Variants in CRY1 observed in about 807,000 individuals in gnomAD.
CRY1 encodes cryptochrome-1.
A neutral mutation model predicts 76.0 loss-of-function variants in CRY1; 45 were observed. The ratio of observed to expected loss-of-function variants is 0.59; its 90% CI spans 0.47 to 0.76. CRY1 has a LOEUF of 0.76. CRY1 is among the 30% of genes least tolerant of loss of function. CRY1 has a pLI of 0.00. For synonymous variants in CRY1, 248 were observed against 244.0 expected, an observed-to-expected ratio of 1.02 and a Z score of -0.15; for missense variants, 587 against 716.4, an observed-to-expected ratio of 0.82 and a Z score of 2.06.
intron 1 of CRY1, among the ~76,000 whole-genome samples, chr12:107,043,546 C>T (rs918704408): frequency 4.6e-5 from 7 of 152,164 alleles, no homozygotes; most frequent in Non-Finnish European, 1.0e-4. Context: ...TGATGTAGTA[C>T]CCTGCATCCC....
intron 1 of CRY1, among the ~76,000 whole-genome samples, chr12:107,039,543 A>C (rs920575277): frequency 6.6e-6 from 1 of 152,236 alleles, no homozygotes; most frequent in South Asian, 2.1e-4. Context: ...GGAAACAAAC[A>C]AATGGCCAAC....
chr12:107,015,420 G>A (rs1404809010), intron 2 of CRY1, among the ~76,000 whole-genome samples: 2 of 150,894 alleles, frequency 1.3e-5, no homozygotes, highest in African/African-American at 2.4e-5. Flanking sequence ...GCTCACTGCA[G>A]CATTAACCTC....
At chr12:107,035,337 A>G (rs1199648869) in intron 1 of CRY1, among the ~76,000 whole-genome samples, 3 of 152,180 alleles carry the variant, frequency 2.0e-5, no homozygotes, top group Admixed American at 2.0e-4. Context: ...TTAACAATTT[A>G]TTGAGAGCCT....
intron 1 of CRY1, among the ~76,000 whole-genome samples, chr12:107,068,580 G>A (rs750427222): frequency 3.9e-5 from 6 of 152,094 alleles, no homozygotes; most frequent in Non-Finnish European, 8.8e-5. Context: ...TTATAAGCAT[G>A]AGCAACCGCA....
chr12:107,019,153 G>A (rs1206033366), intron 2 of CRY1, among the ~76,000 whole-genome samples: 1 of 152,100 alleles, frequency 6.6e-6, no homozygotes, highest in Non-Finnish European at 1.5e-5. Context: ...CAGAGAAACT[G>A]TGGTTGTGAT....
intron 1 of CRY1, among the ~76,000 whole-genome samples, chr12:107,076,831 T>A (rs1345239590): frequency 6.6e-6 from 1 of 152,054 alleles, no homozygotes; most frequent in Non-Finnish European, 1.5e-5. Flanking sequence ...ATCTTTACAA[T>A]GGCGAGTTCT....
At chr12:107,076,337 G>C (rs181804105) in intron 1 of CRY1, among the ~76,000 whole-genome samples, 11 of 151,956 alleles carry the variant, frequency 7.2e-5, no homozygotes, top group African/African-American at 2.7e-4. Flanking sequence ...CAGGCTGGAC[G>C]CAGTGGTGCA....
intron 10 of CRY1, among the ~76,000 whole-genome samples, chr12:106,996,474 T>G (rs1054808366): frequency 6.6e-5 from 10 of 152,248 alleles, no homozygotes; most frequent in Non-Finnish European, 1.3e-4. Flanking sequence ...TATATTCCTT[T>G]GGGTATATAC....
intron 10 of CRY1, among the ~76,000 whole-genome samples, chr12:106,993,969 A>G (rs1315444921): frequency 6.6e-6 from 1 of 152,234 alleles, no homozygotes; most frequent in Non-Finnish European, 1.5e-5. Context: ...GCACATGTGC[A>G]CACACACACA....
rs148616827 is a variant in CRY1 at position 107,045,688 on chromosome 12, G to C, written c.159-23496C>G. On this transcript the variant is annotated intron_variant, in intron 1 of 12. Coordinates refer to ENST00000008527, the MANE Select transcript of CRY1 (RefSeq NM_004075.5). ...ATTTTTGTATAAGGTGTAAGGAAGG[G>C]ATCCAGTTTCAGCCTTCTACCTATG... Among the ~76,000 whole-genome samples, 1,056 of 152,144 alleles carry C rather than the reference G, an allele frequency of 6.9e-3. 19 individuals are homozygous for C. The highest frequency in any genetic ancestry group is 0.024 in the African/African-American group (1,013 of 41,498).
chr12:107,069,560 A>AAAGT (rs1491320399), intron 1 of CRY1, among the ~76,000 whole-genome samples: 3 of 130,108 alleles, frequency 2.3e-5, no homozygotes, highest in African/African-American at 9.5e-5. Context: ...GTATATATAT[A>AAAGT]ATATATATAT....
At chr12:107,069,617 GTA>G (rs1161209629) in intron 1 of CRY1, among the ~76,000 whole-genome samples, 1,063 of 74,472 alleles carry the variant, frequency 0.014, 18 homozygotes, top group African/African-American at 0.067. Flanking sequence ...TATATAAAAA[GTA>G]TATATATATA....
At chr12:107,011,987 C>T (rs1952449816) in intron 2 of CRY1, among the ~76,000 whole-genome samples, 1 of 152,068 alleles carries the variant, frequency 6.6e-6, no homozygotes, top group South Asian at 2.1e-4. Context: ...GTCAGGAGTT[C>T]GAGACCAGTC....
At chr12:106,997,755 T>A in intron 8 of CRY1, 65 bp from the exon 9 acceptor site, 1 of 1,574,540 alleles carries the variant, frequency 6.4e-7, no homozygotes. Flanking sequence ...CTACTAGCTA[T>A]GACAGACCAA....
chr12:107,076,798 T>C (rs1953259445), intron 1 of CRY1, among the ~76,000 whole-genome samples: 1 of 152,086 alleles, frequency 6.6e-6, no homozygotes, highest in Non-Finnish European at 1.5e-5. Flanking sequence ...TCTCGAATTA[T>C]TTAGCATCAT....
chr12:107,006,638 C>CGT (rs71076707), intron 2 of CRY1, among the ~76,000 whole-genome samples: 9,216 of 137,052 alleles, frequency 0.067, 977 homozygotes, highest in African/African-American at 0.19. Flanking sequence ...TATTAGTAAT[C>CGT]TTTTTTTTTT....
At chr12:107,090,651 T>C (rs1341532112) in intron 1 of CRY1, among the ~76,000 whole-genome samples, 2 of 152,342 alleles carry the variant, frequency 1.3e-5, no homozygotes, top group Middle Eastern at 3.4e-3. Context: ...CTCTAGCACC[T>C]AAAACAGTGC....
chr12:107,021,741 T>C (rs2888895), intron 2 of CRY1, among the ~76,000 whole-genome samples: 17,808 of 151,762 alleles, frequency 0.12, 1,707 homozygotes, highest in African/African-American at 0.25. Context: ...TATATATATA[T>C]ACACACACAA....
intron 1 of CRY1, among the ~76,000 whole-genome samples, chr12:107,079,795 C>T (rs1334040424): frequency 6.6e-6 from 1 of 152,082 alleles, no homozygotes; most frequent in Non-Finnish European, 1.5e-5. Context: ...AGCAGAGGGC[C>T]AGATTACACA....
Sources: gnomAD v4.1 joint callset for allele counts (sites outside exome capture counted in the v4.1 genomes callset) on GRCh38, gnomAD v4.1.1 for gene constraint, MANE v1.5 for transcripts, NCBI Gene and HGNC (gene_info 2026-07-23, HGNC 2026-07-21) for gene names.